Variants in OPHN1 observed in about 807,000 individuals in gnomAD.
The protein encoded by OPHN1 is oligophrenin-1.
In OPHN1, 11 loss-of-function variants were observed where a neutral mutation model predicts 60.7. The ratio of observed to expected loss-of-function variants is 0.18; its 90% CI spans 0.11 to 0.30. The LOEUF is 0.30. Ranked by LOEUF, OPHN1 falls within the 10% of genes least tolerant of loss-of-function variation. The pLI, the probability that OPHN1 is intolerant of heterozygous loss-of-function variation, is 1.00. For missense variants in OPHN1, 449 were observed against 611.0 expected, an observed-to-expected ratio of 0.73 and a Z score of 2.80; for synonymous variants, 226 against 222.6, an observed-to-expected ratio of 1.02 and a Z score of -0.14.
chrX:68,318,114 T>A (rs2078218115), intron 2 of OPHN1, among the ~76,000 whole-genome samples: 1 of 111,863 alleles, frequency 8.9e-6, no homozygotes, highest in African/African-American at 3.2e-5. Flanking sequence ...CAATCGTATT[T>A]GTATATACTA....
At chrX:68,196,254 A>C (rs2077512357) in intron 12 of OPHN1, among the ~76,000 whole-genome samples, 1 of 112,394 alleles carries the variant, frequency 8.9e-6, no homozygotes. Flanking sequence ...ACAGCAAAGA[A>C]ATAAGACTGT....
intron 2 of OPHN1, among the ~76,000 whole-genome samples, chrX:68,304,153 T>G (rs1236922286): frequency 8.9e-6 from 1 of 111,822 alleles, no homozygotes; most frequent in East Asian, 2.8e-4. Flanking sequence ...TTACACATTA[T>G]ATACACATAT....
chrX:68,070,965 C>T (rs1003512007), intron 20 of OPHN1: 2 of 1,145,266 alleles, frequency 1.7e-6, no homozygotes, highest in African/African-American at 3.6e-5. Flanking sequence ...CAGCTTGGGA[C>T]ATTAGGTCTT....
chrX:68,074,693 T>G (rs962869784), intron 19 of OPHN1, among the ~76,000 whole-genome samples: 4 of 111,311 alleles, frequency 3.6e-5, no homozygotes, highest in Non-Finnish European at 7.5e-5. Context: ...CATTTTAATT[T>G]TTTTTCTCTT....
intron 15 of OPHN1, among the ~76,000 whole-genome samples, chrX:68,176,750 T>C (rs1489981044): frequency 9.0e-6 from 1 of 111,186 alleles, no homozygotes; most frequent in African/African-American, 3.3e-5. Context: ...CAGACCTTGA[T>C]GATGACCTTG....
intron 24 of OPHN1, 33 bp from the exon 25 acceptor site, chrX:68,047,196 G>A (rs996635856): frequency 1.8e-5 from 2 of 111,900 alleles, no homozygotes; most frequent in South Asian, 3.8e-4. Flanking sequence ...GGGAATTAGC[G>A]AGGACTGGTC....
chrX:68,343,181 G>A (rs559870517), intron 2 of OPHN1, among the ~76,000 whole-genome samples: 1 of 108,255 alleles, frequency 9.2e-6, no homozygotes, highest in African/African-American at 3.4e-5. Flanking sequence ...GGCTGAAGCA[G>A]GAGAATCGCT....
intron 15 of OPHN1, among the ~76,000 whole-genome samples, chrX:68,157,642 G>A (rs2077315293): frequency 9.0e-6 from 1 of 110,913 alleles, no homozygotes; most frequent in Non-Finnish European, 1.9e-5. Flanking sequence ...TCACTACCTG[G>A]GTGTAACATA....
At chrX:68,096,674 T>C (rs1160130936) in intron 19 of OPHN1, among the ~76,000 whole-genome samples, 196 bp downstream of exon 19, 2 of 111,622 alleles carry the variant, frequency 1.8e-5, no homozygotes, top group African/African-American at 3.3e-5. Context: ...GAAAATAATA[T>C]AGTTATAAGC....
At chrX:68,098,814 G>A (rs2077047301) in intron 18 of OPHN1, among the ~76,000 whole-genome samples, 1 of 111,453 alleles carries the variant, frequency 9.0e-6, no homozygotes, top group African/African-American at 3.3e-5. Context: ...ACTTTGAAAG[G>A]AACTGATCTT....
At chrX:68,135,260 A>G (rs2147467791) in intron 15 of OPHN1, among the ~76,000 whole-genome samples, 1 of 110,229 alleles carries the variant, frequency 9.1e-6, no homozygotes, top group East Asian at 2.8e-4. Context: ...TTCATTATAT[A>G]GTGTTAACAA....
At position 68,194,496 on chromosome X, in the gene OPHN1, G is replaced by T; in HGVS notation, c.1107C>A (p.Ile369=). The stretch of plus-strand genomic sequence containing the variant: ...GCTGTTTTGTTATAGGGCTGTGGTA[G>T]ATCTACAAAAGAAGATAAACAGAAA... ...WMEAMDGKEP[I]YHSPITKQQE... The change falls in exon 13 of 25, where the codon ATC becomes ATA. Residue 369 remains isoleucine (I), a splice_region_variant and synonymous_variant. Coordinates refer to ENST00000355520, the MANE Select transcript of OPHN1 (RefSeq NM_002547.3). 8.3e-7 allele frequency: 1 copy of T among 1,203,595 alleles called. No homozygotes were observed. Among genetic ancestry groups the T allele is most frequent in the African/African-American group, 1.7e-5 (1 of 57,575 alleles).
At chrX:68,291,526 A>T (rs1379275081) in intron 3 of OPHN1, among the ~76,000 whole-genome samples, 1 of 110,844 alleles carries the variant, frequency 9.0e-6, no homozygotes, top group Non-Finnish European at 1.9e-5. Context: ...CATCTTCTTC[A>T]CTCAAATTCC....
At chrX:68,172,635 C>A (rs1424539087) in intron 15 of OPHN1, among the ~76,000 whole-genome samples, 1 of 111,008 alleles carries the variant, frequency 9.0e-6, no homozygotes, top group Non-Finnish European at 1.9e-5. Flanking sequence ...CCAAAGAAAG[C>A]TTTTTAGAAA....
intron 3 of OPHN1, among the ~76,000 whole-genome samples, chrX:68,291,288 G>A (rs2078069769): frequency 8.9e-6 from 1 of 111,972 alleles, no homozygotes; most frequent in Admixed American, 9.5e-5. Flanking sequence ...CAGGCCTGAA[G>A]CCTGGGCCTG....
chrX:68,052,646 C>A, intron 22 of OPHN1, 56 bp from the exon 23 acceptor site: 8 of 1,042,146 alleles, frequency 7.7e-6, no homozygotes, highest in African/African-American at 1.8e-5. Context: ...ACGTGAGAAC[C>A]AATGGCCAAC....
intron 4 of OPHN1, among the ~76,000 whole-genome samples, chrX:68,281,260 A>T (rs769614022): frequency 1.8e-5 from 2 of 112,209 alleles, no homozygotes; most frequent in Non-Finnish European, 3.8e-5. Context: ...GAGCCCAGAT[A>T]CAGACCCATA....
intron 23 of OPHN1, among the ~76,000 whole-genome samples, chrX:68,050,165 T>C (rs1034273887): frequency 3.4e-4 from 38 of 111,328 alleles, no homozygotes; most frequent in Admixed American, 2.9e-3. Context: ...ATGCAAGTGG[T>C]GGTTACAAGG....
intron 10 of OPHN1, 111 bp from the exon 11 acceptor site, chrX:68,201,821 G>C: frequency 1.7e-6 from 1 of 588,970 alleles, no homozygotes; most frequent in South Asian, 2.3e-5. Context: ...CAAGGCAGCA[G>C]GAGCAATGTG....
Sources: gnomAD v4.1 joint callset for allele counts (sites outside exome capture counted in the v4.1 genomes callset) on GRCh38, gnomAD v4.1.1 for gene constraint, MANE v1.5 for transcripts, NCBI Gene and HGNC (gene_info 2026-07-23, HGNC 2026-07-21) for gene names.